The following GSE1 variants were observed in gnomAD, a reference collection of about 807,000 sequenced individuals.
GSE1 encodes Gse1 coiled-coil protein.
Under a neutral mutation model 112.6 loss-of-function variants are expected in GSE1, and 32 were observed. The observed-to-expected ratio is 0.28, with a 90% CI of 0.21 to 0.38. GSE1 has a LOEUF of 0.38. Among genes scored for constraint, GSE1 ranks in the 10% least tolerant of loss-of-function variants. GSE1 has a pLI of 1.00. For missense variants in GSE1, 2,348 were observed against 1,699.2 expected, an observed-to-expected ratio of 1.38 and a Z score of -6.71; for synonymous variants, 1,115 against 735.6, an observed-to-expected ratio of 1.52 and a Z score of -8.35.
intron 1 of GSE1, among the ~76,000 whole-genome samples, chr16:85,256,755 C>T (rs1395327423): frequency 2.0e-5 from 3 of 152,270 alleles, no homozygotes; most frequent in Non-Finnish European, 4.4e-5. Flanking sequence ...CTCTTCTGCC[C>T]TCTGGCCTCA....
At chr16:85,614,334 C>T (rs1440597956) in intron 1 of GSE1, among the ~76,000 whole-genome samples, 1 of 152,194 alleles carries the variant, frequency 6.6e-6, no homozygotes, top group East Asian at 1.9e-4. Context: ...GCCCGCCCGC[C>T]TCTCTAGCAG....
At chr16:85,410,395 C>T (rs1314222278) in intron 2 of GSE1, among the ~76,000 whole-genome samples, 1 of 31,734 alleles carries the variant, frequency 3.2e-5, no homozygotes, top group African/African-American at 2.0e-4. Flanking sequence ...TACACTCAGG[C>T]CCCCCTGGAT....
Position 85,654,260 on chromosome 16 carries a change from G to C in GSE1, c.427-18G>C. 1 of 1,575,284 alleles carries C rather than the reference G, an allele frequency of 6.3e-7. No individual in the cohort carries two copies. Among genetic ancestry groups the C allele is most frequent in the Non-Finnish European group, 8.6e-7 (1 of 1,161,740 alleles). On this transcript the variant is annotated intron_variant, in intron 3 of 15. Coordinates refer to ENST00000253458, the MANE Select transcript of GSE1 (RefSeq NM_014615.5). ...CTATACCAGGCTCCTGCCCTGACTGGACGCTCTCCTCCCGCAGGATGCCGG... is the reference window on the plus strand; with the variant it reads ...CTATACCAGGCTCCTGCCCTGACTGCACGCTCTCCTCCCGCAGGATGCCGG...
At chr16:85,195,052 C>G (rs544862802) in intron 1 of GSE1, among the ~76,000 whole-genome samples, 2 of 152,248 alleles carry the variant, frequency 1.3e-5, no homozygotes, top group South Asian at 4.2e-4. Flanking sequence ...AGAAACAGAC[C>G]TGTTCAGACT....
intron 1 of GSE1, among the ~76,000 whole-genome samples, chr16:85,557,362 C>T (rs1333353908): frequency 6.6e-6 from 1 of 152,042 alleles, no homozygotes. Context: ...GAGTTGATCT[C>T]CCTTGAGCTT....
intron 8 of GSE1, 71 bp from the exon 9 acceptor site, chr16:85,661,075 G>T: frequency 7.0e-7 from 1 of 1,436,274 alleles, no homozygotes; most frequent in Non-Finnish European, 9.4e-7. Flanking sequence ...GGAGCGGCAG[G>T]CAGCCAGGGA....
At chr16:85,541,758 A>G (rs1336368244) in intron 2 of GSE1, among the ~76,000 whole-genome samples, 1 of 152,210 alleles carries the variant, frequency 6.6e-6, no homozygotes, top group Non-Finnish European at 1.5e-5. Flanking sequence ...GGGGCCCTGC[A>G]TGGCACAGAA....
At chr16:85,301,505 G>A (rs1477723394) in intron 1 of GSE1, among the ~76,000 whole-genome samples, 1 of 152,248 alleles carries the variant, frequency 6.6e-6, no homozygotes, top group Non-Finnish European at 1.5e-5. Flanking sequence ...GTGGCTGCCG[G>A]TTGGTGGATG....
Position 85,638,523 on chromosome 16 carries a change from G to C in GSE1, c.226+4391G>C, listed in dbSNP as rs138554120. On this transcript the variant is annotated intron_variant, in intron 2 of 15. Transcript: ENST00000253458. ...CGGGCAGGCCGCTTTGCCTCTCTGA[G>C]CTTCCACTTTTTCTTGGGTGAGGAG... 6.6e-5 allele frequency among the ~76,000 whole-genome samples: 10 copies of C among 152,314 alleles called. No individual in the cohort carries two copies. In the East Asian group the frequency reaches 1.9e-3, roughly 29 times the overall value.
At chr16:85,207,785 C>T (rs994993447) in intron 1 of GSE1, 3 of 152,314 alleles carry the variant, frequency 2.0e-5, no homozygotes, top group Non-Finnish European at 4.4e-5. Flanking sequence ...GCCACTGATT[C>T]ACTCACACAC....
At chr16:85,256,064 G>C (rs1224603367) in intron 1 of GSE1, among the ~76,000 whole-genome samples, 1 of 152,202 alleles carries the variant, frequency 6.6e-6, no homozygotes, top group Non-Finnish European at 1.5e-5. Flanking sequence ...CCATATGTAA[G>C]ATGGGAGAAT....
chr16:85,667,330 G>T (rs2052948936), intron 13 of GSE1, among the ~76,000 whole-genome samples: 1 of 152,228 alleles, frequency 6.6e-6, no homozygotes, highest in African/African-American at 2.4e-5. Context: ...CATTGACTGG[G>T]CTGGTCTCAG....
intron 2 of GSE1, among the ~76,000 whole-genome samples, chr16:85,400,173 A>C (rs945527180): frequency 6.6e-6 from 1 of 152,240 alleles, no homozygotes; most frequent in Non-Finnish European, 1.5e-5. Flanking sequence ...ATGATCCGCC[A>C]GACGCCCCAC....
At chr16:85,510,794 A>G (rs1274914200) in intron 2 of GSE1, among the ~76,000 whole-genome samples, 2 of 103,636 alleles carry the variant, frequency 1.9e-5, no homozygotes, top group East Asian at 3.7e-4. Flanking sequence ...CATGTGCCCT[A>G]CTCCTGCCTC....
At chr16:85,283,955 A>T (rs1240446014) in intron 1 of GSE1, among the ~76,000 whole-genome samples, 6 of 152,166 alleles carry the variant, frequency 3.9e-5, no homozygotes, top group Non-Finnish European at 8.8e-5. Context: ...ACATGTCCTC[A>T]GGCCCATCTC....
chr16:85,667,529 G>T (rs957967957), intron 13 of GSE1, among the ~76,000 whole-genome samples: 1 of 152,232 alleles, frequency 6.6e-6, no homozygotes, highest in South Asian at 2.1e-4. Flanking sequence ...GGATGGGCTG[G>T]TGTCTGCTGA....
exon 1 of GSE1, chr16:85,556,060 T>A: frequency 2.0e-6 from 2 of 983,878 alleles, no homozygotes; most frequent in Non-Finnish European, 2.4e-6. Context: ...GTCAATTACC[T>A]CATTGTGGAT....
chr16:85,472,366 G>A (rs563482639), intron 2 of GSE1, among the ~76,000 whole-genome samples: 9 of 152,300 alleles, frequency 5.9e-5, no homozygotes, highest in African/African-American at 1.2e-4. Flanking sequence ...AGCTCCGGGC[G>A]TTCCTTGGCT....
chr16:85,327,241 C>A (rs773134563), intron 1 of GSE1, among the ~76,000 whole-genome samples: 1 of 152,246 alleles, frequency 6.6e-6, no homozygotes, highest in African/African-American at 2.4e-5. Context: ...ACTTCTACCA[C>A]GTGCTATTAG....
Sources: allele counts gnomAD v4.1 joint callset (sites outside exome capture counted in the v4.1 genomes callset), GRCh38; gene constraint gnomAD v4.1.1; transcripts MANE v1.5; gene names NCBI Gene and HGNC (gene_info 2026-07-23, HGNC 2026-07-21).